ZNF587: variants seen among roughly 807,000 people sequenced by gnomAD.
The protein encoded by ZNF587 is zinc finger protein 587, also known as zinc finger protein zfp6.
In ZNF587, 8 loss-of-function variants were observed where a neutral mutation model predicts 7.5. The ratio of observed to expected loss-of-function variants is 1.06; its 90% CI spans 0.62 to 1.92. The LOEUF is 1.92. ZNF587 is among the 40% of genes most tolerant of loss of function. The pLI is 0.00. For missense variants in ZNF587, 468 were observed against 692.8 expected, an observed-to-expected ratio of 0.68 and a Z score of 3.64; for synonymous variants, 145 against 237.8, an observed-to-expected ratio of 0.61 and a Z score of 3.59.
chr19:57,861,223 G>C lies in ZNF587; in HGVS notation c.*1083G>C, dbSNP rs748256208. The C allele has an allele frequency of 5.9e-5, 9 of 152,126 alleles. No individual in the cohort carries two copies. Among genetic ancestry groups the C allele is most frequent in the African/African-American group, 2.2e-4 (9 of 41,414 alleles). 9.4% of individuals were successfully genotyped at this position (152,126 alleles called of 1,614,324 possible). On this transcript the variant is annotated 3_prime_UTR_variant, in exon 3 of 3. Transcript: ENST00000339656. Reference sequence around the variant, plus strand: ...TCATTTGTATATCTATCTACCATCAGTGTCCAAGAATTTCTGTTCTATCTT... The same window carrying C: ...TCATTTGTATATCTATCTACCATCACTGTCCAAGAATTTCTGTTCTATCTT...
At chr19:57,850,498 G>A in intron 1 of ZNF587, 1 of 483,370 alleles carries the variant, frequency 2.1e-6, no homozygotes, top group East Asian at 3.2e-5. Flanking sequence ...TGGGTGGGAT[G>A]GCAGAACTGA....
rs2071256569 is a variant in ZNF587, at chr19:57,849,920, T to TG, written c.-116dup. On this transcript the variant is annotated 5_prime_UTR_variant, in exon 1 of 3. An upstream open reading frame in the 5' UTR loses its in-frame stop. Coordinates refer to ENST00000339656, the MANE Select transcript of ZNF587 (RefSeq NM_032828.4). Reference sequence around the variant, plus strand: ...CAGTTTGTGGCCCCTGAGTGCTGGGTGGGACCGCGGTGACTGAACCTAGAA... The same window carrying TG: ...CAGTTTGTGGCCCCTGAGTGCTGGGTGGGGACCGCGGTGACTGAACCTAGAA... 1 of 1,591,548 alleles carries TG rather than the reference T, an allele frequency of 6.3e-7. No homozygotes were observed. Among genetic ancestry groups the TG allele is most frequent in the Non-Finnish European group, 8.6e-7 (1 of 1,168,280 alleles).
rs757676807 is a variant in ZNF587 at position 57,860,301 on chromosome 19, T to C, written c.*161T>C. ...GACTTCGTGTTGAGATGGAGTCTTG[T>C]TCTGTCACCCAGGCTGGAGTGCAGT... is the stretch of plus-strand genomic sequence containing the variant. On this transcript the variant is annotated 3_prime_UTR_variant, in exon 3 of 3. Coordinates refer to ENST00000339656, the MANE Select transcript of ZNF587 (RefSeq NM_032828.4). The C allele has an allele frequency of 7.6e-5, 106 of 1,399,616 alleles. No individual in the cohort carries two copies. Among genetic ancestry groups the C allele is most frequent in the Non-Finnish European group, 1.0e-4 (102 of 1,019,520 alleles). 86.7% of individuals were successfully genotyped at this position (1,399,616 alleles called of 1,614,324 possible).
rs142691778 is a variant in ZNF587, at chr19:57,853,115, A to G, written c.34-2989A>G. ...AGATTCGCTGGCCTCTGCCTCCCCAAGTGCTGGGATTATAGGCACGAGCCA... is the reference window on the plus strand; with the variant it reads ...AGATTCGCTGGCCTCTGCCTCCCCAGGTGCTGGGATTATAGGCACGAGCCA... On this transcript the variant is annotated intron_variant, in intron 1 of 2. Coordinates refer to ENST00000339656, the MANE Select transcript of ZNF587 (RefSeq NM_032828.4). Among the ~76,000 whole-genome samples, 24 of 152,264 alleles carry G rather than the reference A, an allele frequency of 1.6e-4. No individual in the cohort carries two copies. The East Asian group carries it at 4.3e-3, about 27-fold the overall frequency.
At position 57,850,005 on chromosome 19, in the gene ZNF587, A is replaced by G. The variant is rs779359053; in HGVS notation, c.-34A>G. The G allele has an allele frequency of 1.9e-6, 3 of 1,614,146 alleles. No individual in the cohort carries two copies. The highest frequency in any genetic ancestry group is 2.2e-5 in the South Asian group (2 of 91,080). The stretch of plus-strand genomic sequence containing the variant: ...GCTCTGCAGCCCCGTGACGGCGACC[A>G]CTGCTCCCGGGCCGTGCTTCCCCAA... On this transcript the variant is annotated 5_prime_UTR_variant, in exon 1 of 3. Transcript: ENST00000339656.
chr19:57,853,525 G>A (rs1417268866), intron 1 of ZNF587, among the ~76,000 whole-genome samples: 4 of 152,112 alleles, frequency 2.6e-5, no homozygotes, highest in Admixed American at 1.3e-4. Flanking sequence ...GTGATTACAG[G>A]CTGAGGACTG....
At position 57,860,500 on chromosome 19, in the gene ZNF587, C is replaced by T. The variant is rs2071420710; in HGVS notation, c.*360C>T. On this transcript the variant is annotated 3_prime_UTR_variant, in exon 3 of 3. Transcript: ENST00000339656. ...GCCAGGCTGGTCTCAAACTCCTGAC[C>T]TCAAGTGATCCACCCACCTTGACTC... 3.3e-6 allele frequency: 1 copy of T among 299,188 alleles called. No homozygotes were observed. 18.5% of individuals were successfully genotyped at this position (299,188 alleles called of 1,614,324 possible).
At chr19:57,851,186 G>C (rs760587381) in intron 1 of ZNF587, 1 of 152,144 alleles carries the variant, frequency 6.6e-6, no homozygotes, top group Non-Finnish European at 1.5e-5. Flanking sequence ...CAATAGTAAG[G>C]TTATCTTCAG....
At chr19:57,855,913 T>C (rs2071349275) in intron 1 of ZNF587, 191 bp from the exon 2 acceptor site, 2 of 972,414 alleles carry the variant, frequency 2.1e-6, no homozygotes, top group Non-Finnish European at 1.5e-6. Flanking sequence ...TACCTATTTG[T>C]CCACCTACTT....
rs1250917198 is a variant in ZNF587, at chr19:57,850,686, G to T, written c.33+615G>T. 7 of 397,428 alleles carry T rather than the reference G, an allele frequency of 1.8e-5. No homozygotes were observed. The Admixed American group carries it at 2.2e-4, about 13-fold the overall frequency. The allele number at this position is 397,428 out of a possible 1,614,324, so 24.6% of individuals were successfully genotyped here. A position where few individuals can be genotyped will look rare whatever the true frequency, so the allele number is the denominator to read the frequency against. Reference sequence around the variant, plus strand: ...GAGACAGAATACGCATTTAAAAGGCGGGTCCAGGTGGCCAGAGCATTGGAG... The same window carrying T: ...GAGACAGAATACGCATTTAAAAGGCTGGTCCAGGTGGCCAGAGCATTGGAG... On this transcript the variant is annotated intron_variant, in intron 1 of 2. Coordinates refer to ENST00000339656, the MANE Select transcript of ZNF587 (RefSeq NM_032828.4).
rs991746012 is a variant in ZNF587 at position 57,862,838 on chromosome 19, AATT to A, written c.*2702_*2704del. On this transcript the variant is annotated 3_prime_UTR_variant, in exon 3 of 3. Transcript: ENST00000339656. ...CTAGAATCTGTTTCCTCTCACTCTGAATTATTCTTCCTCTTATGGCTGACCAAA... is the reference window on the plus strand; with the variant it reads ...CTAGAATCTGTTTCCTCTCACTCTGAATTCTTCCTCTTATGGCTGACCAAA... The A allele has an allele frequency of 2.6e-4, 40 of 155,198 alleles. No homozygotes were observed. Among genetic ancestry groups the A allele is most frequent in the African/African-American group, 7.9e-4 (33 of 41,650 alleles). The allele number at this position is 155,198 out of a possible 1,614,324, so 9.6% of individuals were successfully genotyped here.
At chr19:57,855,920 A>G in intron 1 of ZNF587, 184 bp from the exon 2 acceptor site, 1 of 1,042,764 alleles carries the variant, frequency 9.6e-7, no homozygotes, top group South Asian at 1.7e-5. Flanking sequence ...TTGTCCACCT[A>G]CTTCTTGTTG....
intron 2 of ZNF587, 72 bp downstream of exon 2, chr19:57,856,305 G>T: frequency 6.5e-7 from 1 of 1,529,940 alleles, no homozygotes; most frequent in Admixed American, 2.1e-5. Flanking sequence ...TGACAGGACT[G>T]TCTTTCTCAC....
Position 57,860,294 on chromosome 19 carries a change from A to G in ZNF587, c.*154A>G. 1 of 1,437,984 alleles carries G rather than the reference A, an allele frequency of 7.0e-7. No individual in the cohort carries two copies. Among genetic ancestry groups the G allele is most frequent in the Non-Finnish European group, 9.5e-7 (1 of 1,050,896 alleles). 89.1% of individuals were successfully genotyped at this position (1,437,984 alleles called of 1,614,324 possible). ...CTTAAGCGACTTCGTGTTGAGATGGAGTCTTGTTCTGTCACCCAGGCTGGA... is the reference window on the plus strand; with the variant it reads ...CTTAAGCGACTTCGTGTTGAGATGGGGTCTTGTTCTGTCACCCAGGCTGGA... On this transcript the variant is annotated 3_prime_UTR_variant, in exon 3 of 3. Transcript: ENST00000339656.
At chr19:57,850,416 GAGTGCTGATC>G (rs2071267198) in intron 1 of ZNF587, 4 of 569,994 alleles carry the variant, frequency 7.0e-6, no homozygotes, top group Middle Eastern at 9.1e-4. Flanking sequence ...GGGAAGTGGG[GAGTGCTGATC>G]AGTCTGGTTG....
intron 1 of ZNF587, chr19:57,850,636 C>A: frequency 2.5e-6 from 1 of 399,588 alleles, no homozygotes; most frequent in South Asian, 1.3e-4. Flanking sequence ...TACCCCGAGT[C>A]CTGCGGAGAC....
rs1367047513 is a variant in ZNF587, at chr19:57,861,339, TTTTTG to T, written c.*1205_*1209del. The T allele has an allele frequency of 2.6e-5, 4 of 152,328 alleles. No individual in the cohort carries two copies. Among genetic ancestry groups the T allele is most frequent in the African/African-American group, 9.6e-5 (4 of 41,576 alleles). 9.4% of individuals were successfully genotyped at this position (152,328 alleles called of 1,614,324 possible). On this transcript the variant is annotated 3_prime_UTR_variant, in exon 3 of 3. Transcript: ENST00000339656. The stretch of plus-strand genomic sequence containing the variant: ...AGTCAGTGGTTTATGTTTTGCATTT[TTTTTG>T]TTTTGAGACAAAGTCTCGCTCTGTC...
chr19:57,850,586 C>T, intron 1 of ZNF587: 1 of 403,480 alleles, frequency 2.5e-6, no homozygotes, highest in Admixed American at 4.3e-5. Flanking sequence ...AAGCACTGAT[C>T]TTAGATATTG....
In ZNF587 at chr19:57,849,980, G is replaced by C. The variant is rs2071258148; in HGVS notation, c.-59G>C. 6.2e-7 allele frequency: 1 copy of C among 1,613,736 alleles called. No homozygotes were observed. Among genetic ancestry groups the C allele is most frequent in the African/African-American group, 1.3e-5 (1 of 74,952 alleles). Reference sequence around the variant, plus strand: ...GAATCGTCCTCGGTGCCCAGAGGCGGCTCTGCAGCCCCGTGACGGCGACCA... The same window carrying C: ...GAATCGTCCTCGGTGCCCAGAGGCGCCTCTGCAGCCCCGTGACGGCGACCA... On this transcript the variant is annotated 5_prime_UTR_variant, in exon 1 of 3. Transcript: ENST00000339656.
Sources: gnomAD v4.1 joint callset for allele counts (sites outside exome capture counted in the v4.1 genomes callset) on GRCh38, gnomAD v4.1.1 for gene constraint, MANE v1.5 for transcripts, NCBI Gene and HGNC (gene_info 2026-07-23, HGNC 2026-07-21) for gene names.